MATN2: variants seen among roughly 807,000 people sequenced by gnomAD.
The protein encoded by MATN2 is matrilin 2, also known as matrilin-2.
A neutral mutation model predicts 103.2 loss-of-function variants in MATN2; 69 were observed. The ratio of observed to expected loss-of-function variants is 0.67; its 90% CI spans 0.55 to 0.82. The LOEUF (loss-of-function observed/expected upper bound fraction) is 0.82. Among genes scored for constraint, MATN2 ranks in the 40% least tolerant of loss-of-function variants. The probability of loss-of-function intolerance (pLI) is 0.00; values close to 1 mark genes in which losing one functional copy is unlikely to be tolerated. For synonymous variants in MATN2, 429 were observed against 450.2 expected (o/e 0.95, Z 0.60); for missense variants, 1,023 against 1,211.5 (o/e 0.84, Z 2.31).
intron 4 of MATN2, among the ~76,000 whole-genome samples, chr8:97,946,608 T>C (rs957873141): frequency 6.6e-6 from 1 of 152,222 alleles, no homozygotes; most frequent in Non-Finnish European, 1.5e-5. Flanking sequence ...GAACTTTATC[T>C]TGTTTCTTTT....
rs866500325 is a variant in MATN2, at chr8:98,007,369, G to C, written c.1451-110G>C. Reference sequence around the variant, plus strand: ...CAGGAGATAGTGAGGATGTCCACTGGGACTGCATGCCTTCGAGGGAGGGCG... The same window carrying C: ...CAGGAGATAGTGAGGATGTCCACTGCGACTGCATGCCTTCGAGGGAGGGCG... On this transcript the variant is annotated intron_variant, in intron 9 of 18. Coordinates refer to ENST00000254898, the MANE Select transcript of MATN2 (RefSeq NM_002380.5). This position sits in a 1 kb window ranked among gnomAD's most constrained non-coding sequence, Gnocchi z 4.2. The C allele has an allele frequency of 3.7e-5, 57 of 1,551,742 alleles. No homozygotes were observed. The African/African-American group carries it at 6.5e-4, about 18-fold the overall frequency.
At chr8:98,026,254 T>G (rs1813803065) in intron 13 of MATN2, among the ~76,000 whole-genome samples, 1 of 146,124 alleles carries the variant, frequency 6.8e-6, no homozygotes, top group South Asian at 2.2e-4. Context: ...TTTTTTAATT[T>G]TGTTTTTTTT....
chr8:97,982,190 C>T lies in MATN2; in HGVS notation c.1081+3182C>T. ...CAAGAGGAAGAAAGGAGACAGAGTA[C>T]TTGGAAAGCTAAGAGTAGAAAATAA... On this transcript the variant is annotated intron_variant, in intron 6 of 18. Transcript: ENST00000254898. The surrounding 1 kb of genome is among the most constrained non-coding windows in gnomAD (Gnocchi z 4.3). Among the ~76,000 whole-genome samples, 1 of 152,174 alleles carries T rather than the reference C, an allele frequency of 6.6e-6. No homozygotes were observed. The highest frequency in any genetic ancestry group is 1.5e-5 in the Non-Finnish European group (1 of 68,038).
intron 4 of MATN2, among the ~76,000 whole-genome samples, chr8:97,942,478 C>T (rs1810601686): frequency 6.6e-6 from 1 of 152,170 alleles, no homozygotes; most frequent in African/African-American, 2.4e-5. Flanking sequence ...AGACAGTATA[C>T]TGATATTTGA....
At chr8:97,926,259 C>A (rs1809986883) in intron 2 of MATN2, among the ~76,000 whole-genome samples, 1 of 152,154 alleles carries the variant, frequency 6.6e-6, no homozygotes, top group African/African-American at 2.4e-5. Context: ...GAAGGAAGAT[C>A]ATTGTATGTT....
intron 2 of MATN2, among the ~76,000 whole-genome samples, chr8:97,929,097 A>T (rs913819698): frequency 2.6e-5 from 4 of 152,178 alleles, no homozygotes; most frequent in African/African-American, 9.6e-5. Flanking sequence ...ATGCATGGGT[A>T]TGTCAGAACG....
In MATN2 at chr8:97,992,928, C is replaced by CAACAAT. The variant is rs140329600; in HGVS notation, c.1082-1550_1082-1549insCAATAA. Among the ~76,000 whole-genome samples, 163 of 144,588 alleles carry CAACAAT rather than the reference C, an allele frequency of 1.1e-3. 1 individual carries two copies. The South Asian group carries it at 0.021, about 18-fold the overall frequency. 94.9% of individuals were successfully genotyped at this position (144,588 alleles called of 152,430 possible). Reference sequence around the variant, plus strand: ...GAGCGAGACTCTGTCTCAAAACAAACAATAATAATAATAATAATAATAATA... The same window carrying CAACAAT: ...GAGCGAGACTCTGTCTCAAAACAAACAACAATAATAATAATAATAATAATAATAATA... On this transcript the variant is annotated intron_variant, in intron 6 of 18. Coordinates refer to ENST00000254898, the MANE Select transcript of MATN2 (RefSeq NM_002380.5).
At chr8:97,899,543 C>T (rs1380614224) in intron 2 of MATN2, among the ~76,000 whole-genome samples, 1 of 152,180 alleles carries the variant, frequency 6.6e-6, no homozygotes, top group African/African-American at 2.4e-5. Flanking sequence ...TCATAGGTGG[C>T]TGTCTTCTCC....
chr8:97,977,592 T>A (rs1811883199), intron 5 of MATN2, among the ~76,000 whole-genome samples: 2 of 152,106 alleles, frequency 1.3e-5, no homozygotes, highest in Admixed American at 1.3e-4. Context: ...AGTCACTTTC[T>A]TACTGGTTTT....
intron 1 of MATN2, among the ~76,000 whole-genome samples, chr8:97,877,472 A>G (rs1405345680): frequency 6.6e-6 from 1 of 151,524 alleles, no homozygotes; most frequent in Non-Finnish European, 1.5e-5. Context: ...AGTGAAACTC[A>G]GTCTCAAAAA....
intron 2 of MATN2, among the ~76,000 whole-genome samples, chr8:97,904,683 C>T (rs1191625688): frequency 1.3e-5 from 2 of 152,070 alleles, no homozygotes; most frequent in African/African-American, 2.4e-5. Context: ...TAATCAGTCT[C>T]AATTTGTAGA....
chr8:97,957,593 A>G lies in MATN2; in HGVS notation c.836-3815A>G, dbSNP rs116675371. On this transcript the variant is annotated intron_variant, in intron 4 of 18. Coordinates refer to ENST00000254898, the MANE Select transcript of MATN2 (RefSeq NM_002380.5). ...GGGACAGTTCTGGGATGCGAGCAGT[A>G]ATCTTGCACCCGCACATAGGTGTTT... is the stretch of plus-strand genomic sequence containing the variant. Among the ~76,000 whole-genome samples the G allele has an allele frequency of 1.8e-3, 281 of 152,322 alleles. 2 individuals are homozygous for G. Among genetic ancestry groups the G allele is most frequent in the African/African-American group, 6.5e-3 (270 of 41,578 alleles).
rs1813370848 is a variant in MATN2 at position 98,016,646 on chromosome 8, T to C, written c.1680T>C (p.Asp560=). The change falls in exon 11 of 19, where the codon GAT becomes GAC. Residue 560 remains aspartate (D), a synonymous_variant. Transcript: ENST00000254898. ...QCFEGYILRE[D]GKTCRRKDVC... ...TTGAAGGTTATATACTCCGTGAAGA[T>C]GGAAAAACCTGCAGAAGTAAGTTTG... 3.7e-6 allele frequency: 6 copies of C among 1,611,854 alleles called. No individual in the cohort carries two copies. Among genetic ancestry groups the C allele is most frequent in the Middle Eastern group, 3.3e-4 (2 of 6,060 alleles).
At chr8:98,010,281 TG>T (rs1176332763) in intron 10 of MATN2, among the ~76,000 whole-genome samples, 2 of 152,120 alleles carry the variant, frequency 1.3e-5, no homozygotes, top group African/African-American at 2.4e-5. Flanking sequence ...CAGGCTCTGC[TG>T]GGGCCTCTCT....
intron 5 of MATN2, among the ~76,000 whole-genome samples, chr8:97,971,740 C>A (rs1430261769): frequency 6.6e-6 from 1 of 152,106 alleles, no homozygotes; most frequent in Non-Finnish European, 1.5e-5. Flanking sequence ...CCCTTGAGGG[C>A]AAAACCACTT....
At chr8:97,930,629 T>G in intron 2 of MATN2, 1 of 202,658 alleles carries the variant, frequency 4.9e-6, no homozygotes, top group Non-Finnish European at 1.0e-5. Context: ...TTTATTCTTA[T>G]TTTTATTTTT....
At chr8:97,971,799 CACTG>C (rs1554609420) in intron 5 of MATN2, among the ~76,000 whole-genome samples, 1 of 152,040 alleles carries the variant, frequency 6.6e-6, no homozygotes, top group Non-Finnish European at 1.5e-5. Flanking sequence ...TTTCTTGAAG[CACTG>C]ACTGAGGTTG....
chr8:97,917,391 G>A (rs1419606303), intron 2 of MATN2, among the ~76,000 whole-genome samples: 1 of 152,208 alleles, frequency 6.6e-6, no homozygotes, highest in African/African-American at 2.4e-5. Context: ...CTTCGGCTCT[G>A]CTCAGGAAGA....
At chr8:97,928,578 A>G (rs991537680) in intron 2 of MATN2, among the ~76,000 whole-genome samples, 2 of 152,154 alleles carry the variant, frequency 1.3e-5, no homozygotes, top group African/African-American at 4.8e-5. Flanking sequence ...CCTGGGGCTC[A>G]GGGCTTGGCT....
Sources: gnomAD v4.1 joint callset for allele counts (sites outside exome capture counted in the v4.1 genomes callset) on GRCh38, gnomAD v4.1.1 for gene constraint, Gnocchi (gnomAD v3.1) non-coding constraint, MANE v1.5 for transcripts, NCBI Gene and HGNC (gene_info 2026-07-23, HGNC 2026-07-21) for gene names.